CDKAL1: variants seen among roughly 807,000 people sequenced by gnomAD.
CDKAL1 encodes the protein threonylcarbamoyladenosine tRNA methylthiotransferase.
In CDKAL1, 32 loss-of-function variants were observed where a neutral mutation model predicts 68.2. That is an observed-to-expected ratio of 0.47 (90% CI 0.35 to 0.63). The LOEUF (loss-of-function observed/expected upper bound fraction) is 0.63, where lower values mean the gene tolerates loss of function less well. Ranked by LOEUF, CDKAL1 falls within the 30% of genes least tolerant of loss-of-function variation. The probability of loss-of-function intolerance (pLI) is 0.00; values close to 1 mark genes in which losing one functional copy is unlikely to be tolerated. For synonymous variants in CDKAL1, 234 were observed against 244.3 expected (o/e 0.96, Z 0.39); for missense variants, 606 against 696.7 (o/e 0.87, Z 1.47).
At chr6:20,653,544 C>T (rs778886556) in intron 5 of CDKAL1, among the ~76,000 whole-genome samples, 2 of 152,002 alleles carry the variant, frequency 1.3e-5, no homozygotes, top group African/African-American at 4.8e-5. Context: ...CTCTGCCTCT[C>T]GTGTTCAAAG....
intron 4 of CDKAL1, among the ~76,000 whole-genome samples, chr6:20,560,229 A>C (rs1764214758): frequency 6.6e-6 from 1 of 152,200 alleles, no homozygotes. Context: ...ATTAGTTTAC[A>C]CTTTATTTCT....
At chr6:21,117,192 A>G (rs1774458311) in intron 13 of CDKAL1, among the ~76,000 whole-genome samples, 3 of 152,090 alleles carry the variant, frequency 2.0e-5, no homozygotes, top group African/African-American at 7.2e-5. Flanking sequence ...AAACTTGGCT[A>G]GCACACCATC....
chr6:21,175,452 C>A (rs1346374636), intron 13 of CDKAL1, among the ~76,000 whole-genome samples: 1 of 152,178 alleles, frequency 6.6e-6, no homozygotes, highest in African/African-American at 2.4e-5. Flanking sequence ...GTGACCATCC[C>A]TCTCTTTTTG....
rs377097040 is a variant in CDKAL1, at chr6:20,856,717, A to G, written c.742+10539A>G. ...GCGTTTACCATTTGAGCTGAGGCTG[A>G]TCTGTCTCTGGGATGATGTTGGAGA... is the stretch of plus-strand genomic sequence containing the variant. On this transcript the variant is annotated intron_variant, in intron 9 of 15. Transcript: ENST00000274695. 7.9e-5 allele frequency among the ~76,000 whole-genome samples: 12 copies of G among 152,310 alleles called. No individual in the cohort carries two copies. In the East Asian group the frequency reaches 1.4e-3, roughly 17 times the overall value.
chr6:20,649,211 C>T (rs1470559029), intron 4 of CDKAL1, 82 bp from the exon 5 acceptor site: 31 of 885,256 alleles, frequency 3.5e-5, no homozygotes, highest in South Asian at 1.6e-4. Context: ...TCTCCCCTAC[C>T]GCAGCAATCC....
chr6:21,030,746 A>G (rs1357559064), intron 11 of CDKAL1, among the ~76,000 whole-genome samples: 4 of 152,168 alleles, frequency 2.6e-5, no homozygotes, highest in African/African-American at 7.2e-5. Flanking sequence ...GCAGAAGGGA[A>G]TGCATGCATA....
At chr6:21,200,726 G>A (rs950441130) in intron 14 of CDKAL1, 5 of 159,924 alleles carry the variant, frequency 3.1e-5, no homozygotes, top group Non-Finnish European at 6.9e-5. Context: ...GGCACATCCT[G>A]CACTGGAAAA....
intron 13 of CDKAL1, among the ~76,000 whole-genome samples, chr6:21,169,688 A>G (rs911425388): frequency 2.6e-5 from 4 of 152,178 alleles, no homozygotes; most frequent in Non-Finnish European, 5.9e-5. Context: ...GTCTGTTCTC[A>G]TGCTGCTAAT....
chr6:20,887,799 T>G (rs548736663), intron 9 of CDKAL1, among the ~76,000 whole-genome samples: 84 of 151,212 alleles, frequency 5.6e-4, no homozygotes, highest in Admixed American at 1.1e-3. Context: ...GTTGTTGTTT[T>G]AAGAGACAGG....
chr6:20,979,059 C>A (rs1765979227), intron 10 of CDKAL1, among the ~76,000 whole-genome samples: 1 of 152,086 alleles, frequency 6.6e-6, no homozygotes, highest in Admixed American at 6.5e-5. Context: ...TTAAAAAATT[C>A]TCCTGTATAA....
chr6:20,860,957 G>A (rs1331807774), intron 9 of CDKAL1, among the ~76,000 whole-genome samples: 5 of 128,516 alleles, frequency 3.9e-5, no homozygotes, highest in Admixed American at 8.6e-5. Flanking sequence ...TTTTTTTAGA[G>A]AAAGCGTAAG....
At chr6:21,164,022 G>A (rs1410112625) in intron 13 of CDKAL1, among the ~76,000 whole-genome samples, 1 of 151,970 alleles carries the variant, frequency 6.6e-6, no homozygotes, top group African/African-American at 2.4e-5. Flanking sequence ...CCTGTCCCTA[G>A]CATTGCCCCT....
chr6:20,543,255 G>T (rs928232451), intron 2 of CDKAL1, among the ~76,000 whole-genome samples: 1 of 152,212 alleles, frequency 6.6e-6, no homozygotes, highest in African/African-American at 2.4e-5. Flanking sequence ...GTTTACTGGA[G>T]TGGCTATACC....
At chr6:20,861,910 C>T (rs1036929915) in intron 9 of CDKAL1, among the ~76,000 whole-genome samples, 5 of 152,290 alleles carry the variant, frequency 3.3e-5, no homozygotes, top group South Asian at 4.1e-4. Flanking sequence ...ATTGAATGTT[C>T]CAGCCACCAC....
At chr6:20,976,707 A>T (rs1254990913) in intron 10 of CDKAL1, among the ~76,000 whole-genome samples, 1 of 152,114 alleles carries the variant, frequency 6.6e-6, no homozygotes, top group African/African-American at 2.4e-5. Flanking sequence ...GGAAAATTTG[A>T]TCACTGTTAA....
intron 15 of CDKAL1, among the ~76,000 whole-genome samples, chr6:21,227,071 A>C (rs1779778039): frequency 6.6e-6 from 1 of 152,340 alleles, no homozygotes; most frequent in South Asian, 2.1e-4. Context: ...AGCGATGCAG[A>C]TATGTATTGA....
rs1034571027 is a variant in CDKAL1 at position 20,539,357 on chromosome 6, C to T, written c.-6+3963C>T. On this transcript the variant is annotated intron_variant, in intron 2 of 15. Coordinates refer to ENST00000274695, the MANE Select transcript of CDKAL1 (RefSeq NM_017774.3). This position sits in a 1 kb window ranked among gnomAD's most constrained non-coding sequence, Gnocchi z 4.3. ...GGGATAAAACAGTGAACACCTCACA[C>T]GAAAACCTTTACCCTCACGAAGTAT... is the stretch of plus-strand genomic sequence containing the variant. Among the ~76,000 whole-genome samples the T allele has an allele frequency of 2.0e-5, 3 of 152,058 alleles. No individual in the cohort carries two copies. The highest frequency in any genetic ancestry group is 4.8e-5 in the African/African-American group (2 of 41,394).
intron 4 of CDKAL1, among the ~76,000 whole-genome samples, chr6:20,617,247 A>G (rs2127728841): frequency 6.6e-6 from 1 of 151,148 alleles, no homozygotes; most frequent in African/African-American, 2.4e-5. Context: ...TGGTATTGGA[A>G]TGTTTTATTA....
chr6:20,637,910 A>G (rs984756773), intron 4 of CDKAL1, among the ~76,000 whole-genome samples: 2 of 152,206 alleles, frequency 1.3e-5, no homozygotes, highest in Admixed American at 6.5e-5. Context: ...TCTCTGAATA[A>G]TATGACCTGG....
Sources: allele counts gnomAD v4.1 joint callset (sites outside exome capture counted in the v4.1 genomes callset), GRCh38; gene constraint gnomAD v4.1.1; non-coding constraint Gnocchi (gnomAD v3.1); transcripts MANE v1.5; gene names NCBI Gene and HGNC (gene_info 2026-07-23, HGNC 2026-07-21).